Variants in AFG1L observed in about 807,000 individuals in gnomAD.
AFG1L encodes the protein AFG1 like ATPase, also known as AFG1-like ATPase.
AFG1L carries 53 observed loss-of-function variants against 62.2 expected under a neutral mutation model. The observed-to-expected ratio is 0.85, with a 90% confidence interval of 0.68 to 1.07. AFG1L has a LOEUF of 1.07. Among genes scored for constraint, AFG1L ranks in the 50% least tolerant of loss-of-function variants. The pLI, the probability that AFG1L is intolerant of heterozygous loss-of-function variation, is 0.00. For missense variants in AFG1L, 555 were observed against 590.5 expected, an observed-to-expected ratio of 0.94 and a Z score of 0.62; for synonymous variants, 228 against 210.3, an observed-to-expected ratio of 1.08 and a Z score of -0.73.
At chr6:108,367,696 T>C (rs1049847255) in intron 6 of AFG1L, among the ~76,000 whole-genome samples, 5 of 152,068 alleles carry the variant, frequency 3.3e-5, no homozygotes, top group East Asian at 1.9e-4. Context: ...TTGGACTTCA[T>C]TGGAAAAGTC....
At chr6:108,314,520 C>T (rs1338863141) in intron 1 of AFG1L, among the ~76,000 whole-genome samples, 2 of 151,846 alleles carry the variant, frequency 1.3e-5, no homozygotes, top group African/African-American at 4.8e-5. Context: ...CCTCAGCCTC[C>T]CTGGTAGCTG....
At chr6:108,375,787 T>C (rs1195998812) in intron 6 of AFG1L, among the ~76,000 whole-genome samples, 2 of 151,828 alleles carry the variant, frequency 1.3e-5, no homozygotes, top group Non-Finnish European at 2.9e-5. Context: ...CTTTTTATTG[T>C]CTCTTTGCCA....
intron 2 of AFG1L, among the ~76,000 whole-genome samples, chr6:108,330,863 A>G (rs1371894740): frequency 1.3e-5 from 2 of 152,216 alleles, no homozygotes; most frequent in Middle Eastern, 3.2e-3. Flanking sequence ...AAATAAATAA[A>G]TAAATTTCAG....
intron 1 of AFG1L, among the ~76,000 whole-genome samples, chr6:108,305,154 C>T (rs1777155578): frequency 6.6e-6 from 1 of 152,170 alleles, no homozygotes. Flanking sequence ...ATGGAATGTA[C>T]TCAACTTTAT....
chr6:108,330,266 C>T (rs1778222852), intron 2 of AFG1L, among the ~76,000 whole-genome samples: 1 of 151,536 alleles, frequency 6.6e-6, no homozygotes, highest in African/African-American at 2.4e-5. Context: ...GGCAGCCTCC[C>T]CCGGGTTCAA....
intron 6 of AFG1L, among the ~76,000 whole-genome samples, chr6:108,366,867 C>T (rs553945558): frequency 1.3e-4 from 20 of 152,244 alleles, no homozygotes; most frequent in South Asian, 4.1e-4. Context: ...CAGCCCATCA[C>T]GTGCTCAGTT....
chr6:108,385,538 T>C (rs1330881820), intron 6 of AFG1L, among the ~76,000 whole-genome samples: 1 of 152,236 alleles, frequency 6.6e-6, no homozygotes, highest in Non-Finnish European at 1.5e-5. Flanking sequence ...TATCACTGGC[T>C]TGCTGTCAAT....
intron 8 of AFG1L, among the ~76,000 whole-genome samples, chr6:108,456,565 T>C (rs1772259548): frequency 1.3e-5 from 2 of 152,114 alleles, no homozygotes; most frequent in Non-Finnish European, 2.9e-5. Context: ...TTTAGAGTTG[T>C]ACTACCATCA....
chr6:108,417,741 G>T (rs1299985863), intron 7 of AFG1L, among the ~76,000 whole-genome samples: 2 of 152,022 alleles, frequency 1.3e-5, no homozygotes, highest in Non-Finnish European at 2.9e-5. Flanking sequence ...ATTTCCTTCT[G>T]ATCATATGAC....
intron 1 of AFG1L, among the ~76,000 whole-genome samples, chr6:108,310,922 T>C (rs1027323545): frequency 1.3e-5 from 2 of 152,188 alleles, no homozygotes; most frequent in East Asian, 3.8e-4. Flanking sequence ...TAACGGTGAA[T>C]GGGATCCTTT....
At chr6:108,473,665 C>T (rs562056490) in intron 8 of AFG1L, among the ~76,000 whole-genome samples, 10 of 152,212 alleles carry the variant, frequency 6.6e-5, no homozygotes, top group Non-Finnish European at 1.3e-4. Context: ...TCAAGCGATT[C>T]TCCTGCCTCA....
intron 7 of AFG1L, among the ~76,000 whole-genome samples, chr6:108,407,574 A>G (rs1338353653): frequency 1.3e-5 from 2 of 151,982 alleles, no homozygotes. Context: ...CCTCCAAGCT[A>G]CTTGGGAAGC....
intron 7 of AFG1L, among the ~76,000 whole-genome samples, chr6:108,406,999 G>T (rs568113629): frequency 6.6e-6 from 1 of 152,062 alleles, no homozygotes; most frequent in African/African-American, 2.4e-5. Flanking sequence ...TGGAAAGAGG[G>T]TTCTGACTCC....
intron 8 of AFG1L, among the ~76,000 whole-genome samples, chr6:108,456,174 A>G (rs1772244876): frequency 6.6e-6 from 1 of 152,142 alleles, no homozygotes; most frequent in Admixed American, 6.5e-5. Context: ...ACCTCTTCAT[A>G]AGTATGAAAT....
chr6:108,366,677 C>A (rs543426359), intron 6 of AFG1L, among the ~76,000 whole-genome samples: 2 of 150,564 alleles, frequency 1.3e-5, no homozygotes, highest in South Asian at 2.1e-4. Flanking sequence ...AAATGAAAGA[C>A]GAAACTCATA....
At chr6:108,453,086 C>A (rs776969242) in intron 8 of AFG1L, among the ~76,000 whole-genome samples, 16 of 152,176 alleles carry the variant, frequency 1.1e-4, no homozygotes, top group Middle Eastern at 3.2e-3. Context: ...AAGAACCGGG[C>A]TTCCTCCCTT....
intron 10 of AFG1L, among the ~76,000 whole-genome samples, chr6:108,509,933 T>A (rs1036212112): frequency 6.6e-6 from 1 of 152,210 alleles, no homozygotes; most frequent in Non-Finnish European, 1.5e-5. Context: ...TGTAAAAAAA[T>A]GTAAAACCTC....
chr6:108,430,572 A>G (rs1254402411), intron 7 of AFG1L, among the ~76,000 whole-genome samples: 2 of 152,330 alleles, frequency 1.3e-5, no homozygotes, highest in South Asian at 2.1e-4. Flanking sequence ...AGACAGATAG[A>G]GATCAAAATA....
chr6:108,434,004 T>C (rs1397629976), intron 7 of AFG1L, among the ~76,000 whole-genome samples: 2 of 152,174 alleles, frequency 1.3e-5, no homozygotes, highest in African/African-American at 2.4e-5. Flanking sequence ...AAGCATAGCC[T>C]TTGACAAAGA....
Sources: allele counts gnomAD v4.1 joint callset (sites outside exome capture counted in the v4.1 genomes callset), GRCh38; gene constraint gnomAD v4.1.1; transcripts MANE v1.5; gene names NCBI Gene and HGNC (gene_info 2026-07-23, HGNC 2026-07-21).